Variants in MAPKAP1 observed in about 807,000 individuals in gnomAD.
MAPKAP1 encodes target of rapamycin complex 2 subunit MAPKAP1.
A neutral mutation model predicts 65.7 loss-of-function variants in MAPKAP1; 20 were observed. The ratio of observed to expected loss-of-function variants is 0.30; its 90% CI spans 0.21 to 0.44. MAPKAP1 has a LOEUF of 0.44. MAPKAP1 is among the 20% of genes least tolerant of loss of function. MAPKAP1 has a pLI of 1.00. For synonymous variants in MAPKAP1, 222 were observed against 244.3 expected (o/e 0.91, Z 0.85); for missense variants, 423 against 648.0 (o/e 0.65, Z 3.77).
At chr9:125,611,681 G>C (rs1832605036) in intron 4 of MAPKAP1, among the ~76,000 whole-genome samples, 2 of 152,166 alleles carry the variant, frequency 1.3e-5, no homozygotes, top group Admixed American at 6.5e-5. Context: ...AATGGAGCAG[G>C]TGTAACTATT....
At chr9:125,575,667 T>C (rs1309023426) in intron 5 of MAPKAP1, among the ~76,000 whole-genome samples, 1 of 152,224 alleles carries the variant, frequency 6.6e-6, no homozygotes, top group African/African-American at 2.4e-5. Context: ...ACTACACACC[T>C]ATTAAAACAG....
At chr9:125,566,450 A>G (rs1831053412) in intron 5 of MAPKAP1, among the ~76,000 whole-genome samples, 1 of 152,266 alleles carries the variant, frequency 6.6e-6, no homozygotes, top group Middle Eastern at 3.4e-3. Context: ...TTGTAGTCCC[A>G]GCTACTTAGG....
chr9:125,648,695 C>G (rs1833802478), intron 4 of MAPKAP1, among the ~76,000 whole-genome samples: 1 of 152,150 alleles, frequency 6.6e-6, no homozygotes, highest in Admixed American at 6.5e-5. Context: ...GTAATCCCAG[C>G]ACTTTGGGAG....
In MAPKAP1 at chr9:125,452,494, A is replaced by C. The variant is rs571829987; in HGVS notation, c.1346-7896T>G. On this transcript the variant is annotated intron_variant, in intron 10 of 11. Coordinates refer to ENST00000265960, the MANE Select transcript of MAPKAP1 (RefSeq NM_001006617.3). The stretch of plus-strand genomic sequence containing the variant: ...ATCCTCAGAATAAAGTCCAAGCTTC[A>C]TAAGATGATTTTCAAGACCCCAGAT... Among the ~76,000 whole-genome samples the C allele has an allele frequency of 3.3e-5, 5 of 152,334 alleles. 1 individual carries two copies. The South Asian group carries it at 1.0e-3, about 32-fold the overall frequency.
chr9:125,588,117 T>C (rs943118425), intron 4 of MAPKAP1, among the ~76,000 whole-genome samples: 1 of 152,186 alleles, frequency 6.6e-6, no homozygotes, highest in Non-Finnish European at 1.5e-5. Flanking sequence ...CTTGGACAAA[T>C]GTTCATAGCA....
intron 7 of MAPKAP1, among the ~76,000 whole-genome samples, chr9:125,518,657 A>G (rs1443897735): frequency 6.6e-6 from 1 of 152,240 alleles, no homozygotes; most frequent in Non-Finnish European, 1.5e-5. Context: ...GCAACAGAGC[A>G]AGACCATCTC....
Position 125,438,718 on chromosome 9 carries a change from C to T in MAPKAP1, c.*169G>A. ...GTCCCATGGCAATGTCCCCAGCGCT[C>T]CCTCCTAGGGGGCCCCCGACACCTT... On this transcript the variant is annotated 3_prime_UTR_variant, in exon 12 of 12. Transcript: ENST00000265960. 1.3e-6 allele frequency: 1 copy of T among 763,294 alleles called. No individual in the cohort carries two copies. Among genetic ancestry groups the T allele is most frequent in the Non-Finnish European group, 2.1e-6 (1 of 475,302 alleles). 47.3% of individuals were successfully genotyped at this position (763,294 alleles called of 1,614,324 possible).
At chr9:125,703,789 A>G (rs1835676361) in intron 1 of MAPKAP1, among the ~76,000 whole-genome samples, 4 of 149,716 alleles carry the variant, frequency 2.7e-5, no homozygotes, top group Non-Finnish European at 1.5e-5. Flanking sequence ...AAAAAAAACA[A>G]GTAACGTGAC....
intron 10 of MAPKAP1, among the ~76,000 whole-genome samples, chr9:125,466,648 C>T (rs975679728): frequency 6.6e-6 from 1 of 152,144 alleles, no homozygotes; most frequent in Non-Finnish European, 1.5e-5. Context: ...AATCCAGCAA[C>T]CTTGAGGCAA....
intron 9 of MAPKAP1, among the ~76,000 whole-genome samples, chr9:125,473,989 C>T (rs1854016650): frequency 6.6e-6 from 1 of 152,144 alleles, no homozygotes; most frequent in African/African-American, 2.4e-5. Flanking sequence ...ATGACAAGGG[C>T]TTGGAATTGT....
At chr9:125,581,630 C>T (rs1019605876) in intron 5 of MAPKAP1, among the ~76,000 whole-genome samples, 1 of 152,184 alleles carries the variant, frequency 6.6e-6, no homozygotes, top group African/African-American at 2.4e-5. Context: ...CAGTGTGTAG[C>T]TTGTCCTTTC....
At chr9:125,593,035 A>G (rs1255402728) in intron 4 of MAPKAP1, among the ~76,000 whole-genome samples, 1 of 146,732 alleles carries the variant, frequency 6.8e-6, no homozygotes, top group Non-Finnish European at 1.5e-5. Flanking sequence ...GGTGGCTCAC[A>G]CCTACAATCC....
At chr9:125,639,047 T>C (rs182104950) in intron 4 of MAPKAP1, among the ~76,000 whole-genome samples, 6 of 152,284 alleles carry the variant, frequency 3.9e-5, no homozygotes, top group East Asian at 3.9e-4. Context: ...GAGACCAGCC[T>C]GGCCAATATG....
intron 4 of MAPKAP1, among the ~76,000 whole-genome samples, chr9:125,644,155 A>G (rs965412148): frequency 2.0e-5 from 3 of 152,222 alleles, no homozygotes; most frequent in Non-Finnish European, 4.4e-5. Context: ...CCTTAGAAGG[A>G]TAGGTTTCAG....
chr9:125,619,204 G>A (rs1002436645), intron 4 of MAPKAP1, among the ~76,000 whole-genome samples: 1 of 152,158 alleles, frequency 6.6e-6, no homozygotes, highest in Non-Finnish European at 1.5e-5. Flanking sequence ...ACATTTTAGA[G>A]ATATTTACAT....
At chr9:125,443,841 T>G (rs556774554) in intron 11 of MAPKAP1, among the ~76,000 whole-genome samples, 1 of 152,186 alleles carries the variant, frequency 6.6e-6, no homozygotes, top group African/African-American at 2.4e-5. Context: ...CAGCTCTCCC[T>G]GCCTCCATAC....
At chr9:125,673,566 A>G (rs955295996) in intron 1 of MAPKAP1, among the ~76,000 whole-genome samples, 6 of 152,048 alleles carry the variant, frequency 3.9e-5, no homozygotes, top group Non-Finnish European at 8.8e-5. Flanking sequence ...ATTACCTACT[A>G]TACAATCAAC....
At chr9:125,458,885 C>T (rs1473316865) in intron 10 of MAPKAP1, among the ~76,000 whole-genome samples, 1 of 550 alleles carries the variant, frequency 1.8e-3, no homozygotes, top group African/African-American at 9.4e-3. Context: ...GGCCGCTGGC[C>T]GGGCGGGGCG....
intron 11 of MAPKAP1, among the ~76,000 whole-genome samples, chr9:125,441,876 T>G (rs1276498986): frequency 6.6e-6 from 1 of 151,976 alleles, no homozygotes; most frequent in African/African-American, 2.4e-5. Flanking sequence ...GTCTTTAATC[T>G]CAGCACTTTG....
Sources: allele counts gnomAD v4.1 joint callset (sites outside exome capture counted in the v4.1 genomes callset), GRCh38; gene constraint gnomAD v4.1.1; transcripts MANE v1.5; gene names NCBI Gene and HGNC (gene_info 2026-07-23, HGNC 2026-07-21).